Variants in BRINP1 observed in about 807,000 individuals in gnomAD.
BRINP1 encodes BMP/retinoic acid inducible neural specific 1.
A neutral mutation model predicts 72.9 loss-of-function variants in BRINP1; 17 were observed. The observed-to-expected ratio is 0.23, with a 90% CI of 0.16 to 0.35. BRINP1 has a LOEUF of 0.35. BRINP1 is among the 10% of genes least tolerant of loss of function. The probability of loss-of-function intolerance (pLI) is 1.00; values close to 1 mark genes in which losing one functional copy is unlikely to be tolerated. For synonymous variants in BRINP1, 418 were observed against 378.5 expected (o/e 1.10, Z -1.21); for missense variants, 850 against 1,001.6 (o/e 0.85, Z 2.04).
At chr9:119,190,400 C>A in intron 7 of BRINP1, among the ~76,000 whole-genome samples, 3 of 147,246 alleles carry the variant, frequency 2.0e-5, no homozygotes, top group South Asian at 2.1e-4. Flanking sequence ...ATCAACAAAC[C>A]CCTAGCTAGA....
intron 2 of BRINP1, among the ~76,000 whole-genome samples, chr9:119,285,537 T>C (rs1260839790): frequency 6.6e-6 from 1 of 152,202 alleles, no homozygotes; most frequent in Non-Finnish European, 1.5e-5. Flanking sequence ...GAGGTGTGGT[T>C]TCAGCTTAAG....
intron 5 of BRINP1, 81 bp from the exon 6 acceptor site, chr9:119,214,236 G>T: frequency 9.9e-7 from 1 of 1,013,794 alleles, no homozygotes; most frequent in Non-Finnish European, 1.5e-6. Context: ...GTGATACATA[G>T]GAATCTGAAG....
chr9:119,351,409 G>A (rs745949681), intron 1 of BRINP1, among the ~76,000 whole-genome samples: 21 of 151,388 alleles, frequency 1.4e-4, no homozygotes, highest in Non-Finnish European at 2.4e-4. Flanking sequence ...CGTGGAAGGC[G>A]AAGCAAACAA....
At chr9:119,324,470 C>T (rs1831218706) in intron 1 of BRINP1, among the ~76,000 whole-genome samples, 1 of 152,130 alleles carries the variant, frequency 6.6e-6, no homozygotes, top group Non-Finnish European at 1.5e-5. Context: ...TAGGAAGAAA[C>T]TTTTAATTGG....
intron 3 of BRINP1, among the ~76,000 whole-genome samples, chr9:119,245,877 A>G (rs1359724180): frequency 1.3e-5 from 2 of 152,180 alleles, no homozygotes; most frequent in Non-Finnish European, 2.9e-5. Flanking sequence ...CTTTATAGAT[A>G]AAGAAATTTA....
chr9:119,334,941 A>C (rs1831333479), intron 1 of BRINP1, among the ~76,000 whole-genome samples: 1 of 152,140 alleles, frequency 6.6e-6, no homozygotes, highest in Non-Finnish European at 1.5e-5. Context: ...ATGTTGGCTG[A>C]GCGCCACTGA....
At chr9:119,208,973 C>T in intron 6 of BRINP1, 32 bp from the exon 7 acceptor site, 1 of 1,573,844 alleles carries the variant, frequency 6.4e-7, no homozygotes, top group Non-Finnish European at 8.7e-7. Context: ...GAGAGAAGGG[C>T]TAAGCATGAT....
intron 1 of BRINP1, among the ~76,000 whole-genome samples, chr9:119,321,016 C>T (rs1225989770): frequency 2.0e-5 from 3 of 151,944 alleles, no homozygotes; most frequent in South Asian, 2.1e-4. Context: ...CTGCAAGCTC[C>T]GCCTCCCGGG....
At chr9:119,344,834 G>A (rs1211516885) in intron 1 of BRINP1, among the ~76,000 whole-genome samples, 1 of 152,006 alleles carries the variant, frequency 6.6e-6, no homozygotes, top group Non-Finnish European at 1.5e-5. Context: ...CTTTTTTAAC[G>A]TAGCCCCTGC....
At chr9:119,335,306 T>A (rs1024698895) in intron 1 of BRINP1, among the ~76,000 whole-genome samples, 2 of 152,300 alleles carry the variant, frequency 1.3e-5, no homozygotes, top group Admixed American at 1.3e-4. Flanking sequence ...TTCTAATTCA[T>A]CATGTGATCT....
intron 1 of BRINP1, among the ~76,000 whole-genome samples, chr9:119,350,954 G>A (rs889899140): frequency 2.0e-5 from 3 of 149,930 alleles, no homozygotes; most frequent in Non-Finnish European, 4.4e-5. Flanking sequence ...GAATGTGCAG[G>A]TTTGTTACAT....
chr9:119,175,142 A>T (rs1167676673), intron 7 of BRINP1, among the ~76,000 whole-genome samples: 1 of 151,618 alleles, frequency 6.6e-6, no homozygotes, highest in African/African-American at 2.4e-5. Context: ...AGACAAAAAA[A>T]AAAAGAAAAT....
At chr9:119,311,170 T>C (rs1458709662) in intron 2 of BRINP1, among the ~76,000 whole-genome samples, 1 of 152,200 alleles carries the variant, frequency 6.6e-6, no homozygotes, top group Admixed American at 6.5e-5. Flanking sequence ...CTTCATTGTA[T>C]CATCTGCCCT....
At chr9:119,244,619 G>C (rs535603149) in intron 3 of BRINP1, among the ~76,000 whole-genome samples, 7 of 152,304 alleles carry the variant, frequency 4.6e-5, no homozygotes, top group Non-Finnish European at 7.4e-5. Context: ...GGCTCTCTTA[G>C]GGGCCTGTGA....
intron 1 of BRINP1, among the ~76,000 whole-genome samples, chr9:119,333,554 C>A (rs1831321308): frequency 6.7e-6 from 1 of 149,868 alleles, no homozygotes; most frequent in African/African-American, 2.5e-5. Context: ...ATTAAAAATT[C>A]TGGAGGTGAG....
At chr9:119,318,854 T>C (rs1449025577) in intron 1 of BRINP1, among the ~76,000 whole-genome samples, 2 of 149,850 alleles carry the variant, frequency 1.3e-5, no homozygotes, top group East Asian at 3.9e-4. Flanking sequence ...GGTGTGTGTG[T>C]GTGTGTGTGT....
rs142790219 is a variant in BRINP1 at position 119,338,261 on chromosome 9, T to A, written c.-50-24856A>T. Among the ~76,000 whole-genome samples the A allele has an allele frequency of 3.0e-3, 448 of 150,358 alleles. 3 individuals carry two copies. Among genetic ancestry groups the A allele is most frequent in the African/African-American group, 8.0e-3 (327 of 41,092 alleles). ...GTTTTTGTTTCTTTTTTTTTTTGCC[T>A]CTGCAATTAGATTGGGCTTTTTTTT... On this transcript the variant is annotated intron_variant, in intron 1 of 7. Coordinates refer to ENST00000265922, the MANE Select transcript of BRINP1 (RefSeq NM_014618.3).
At chr9:119,263,860 G>A (rs866431466) in intron 2 of BRINP1, among the ~76,000 whole-genome samples, 4 of 152,068 alleles carry the variant, frequency 2.6e-5, no homozygotes, top group South Asian at 2.1e-4. Context: ...CGCCCGCCTC[G>A]GCCTCCCAAA....
In BRINP1 at chr9:119,230,230, A is replaced by G. The variant is rs187043106; in HGVS notation, c.685+8425T>C. ...ATGGTATATGTTGGGTGATAGCATA[A>G]GGCAAAGCCAAGAAGATTGGCAAGG... On this transcript the variant is annotated intron_variant, in intron 5 of 7. Coordinates refer to ENST00000265922, the MANE Select transcript of BRINP1 (RefSeq NM_014618.3). Among the ~76,000 whole-genome samples the G allele has an allele frequency of 1.4e-4, 21 of 152,276 alleles. No homozygotes were observed. In the East Asian group the frequency reaches 3.7e-3, roughly 27 times the overall value.
Sources: gnomAD v4.1 joint callset for allele counts (sites outside exome capture counted in the v4.1 genomes callset) on GRCh38, gnomAD v4.1.1 for gene constraint, MANE v1.5 for transcripts, NCBI Gene and HGNC (gene_info 2026-07-23, HGNC 2026-07-21) for gene names.